The following AFAP1L2 variants were observed in gnomAD, a reference collection of about 807,000 sequenced individuals.
AFAP1L2 encodes actin filament associated protein 1 like 2.
A neutral mutation model predicts 99.3 loss-of-function variants in AFAP1L2; 46 were observed. The ratio of observed to expected loss-of-function variants is 0.46; its 90% CI spans 0.37 to 0.59. The LOEUF (loss-of-function observed/expected upper bound fraction) is 0.59. Ranked by LOEUF, AFAP1L2 falls within the 20% of genes least tolerant of loss-of-function variation. The pLI is 0.00. For missense variants in AFAP1L2, 959 were observed against 1,034.9 expected (o/e 0.93, Z 1.01); for synonymous variants, 397 against 419.1 (o/e 0.95, Z 0.64).
the AFAP1L2 span, chr10:114,289,565 C>G: frequency 5.9e-6 from 9 of 1,532,032 alleles, no homozygotes; most frequent in South Asian, 1.2e-5. Context: ...TACATCATGA[C>G]GAGGATGGCA....
intron 1 of AFAP1L2, among the ~76,000 whole-genome samples, chr10:114,364,811 C>T (rs563522481): frequency 7.6e-4 from 115 of 152,298 alleles, no homozygotes; most frequent in South Asian, 1.5e-3. Flanking sequence ...CTACCGGGGG[C>T]TGAGCTGATT....
chr10:114,316,887 C>T (rs2044227839), intron 5 of AFAP1L2, among the ~76,000 whole-genome samples: 1 of 152,184 alleles, frequency 6.6e-6, no homozygotes, highest in Non-Finnish European at 1.5e-5. Flanking sequence ...AAATTTCCCA[C>T]GGAGGGCTCA....
chr10:114,354,374 C>T (rs935533236), intron 1 of AFAP1L2, among the ~76,000 whole-genome samples: 57 of 152,314 alleles, frequency 3.7e-4, no homozygotes, highest in Admixed American at 1.1e-3. Flanking sequence ...TGTGTAATTC[C>T]TTTATCTGAA....
chr10:114,365,248 C>T (rs1456834958), intron 1 of AFAP1L2, among the ~76,000 whole-genome samples: 1 of 152,064 alleles, frequency 6.6e-6, no homozygotes, highest in Non-Finnish European at 1.5e-5. Flanking sequence ...TCTTCCATTC[C>T]CAACCCAACA....
rs2041002449 is a variant in AFAP1L2, at chr10:114,300,698, A to G, written c.1543-8T>C. The G allele has an allele frequency of 3.2e-6, 5 of 1,578,898 alleles. No homozygotes were observed. In the Admixed American group the frequency reaches 6.9e-5, roughly 22 times the overall value. Reference sequence around the variant, plus strand: ...TTCCTCGGTAGGCTCCACCTGCAGGAGAGAGTGAGTCTGGGGCATTCAACA... The same window carrying G: ...TTCCTCGGTAGGCTCCACCTGCAGGGGAGAGTGAGTCTGGGGCATTCAACA... On this transcript the variant is annotated splice_region_variant and splice_polypyrimidine_tract_variant and intron_variant, in intron 13 of 18. Transcript: ENST00000304129.
intron 1 of AFAP1L2, among the ~76,000 whole-genome samples, chr10:114,380,589 T>C (rs2055476158): frequency 6.6e-6 from 1 of 152,192 alleles, no homozygotes; most frequent in African/African-American, 2.4e-5. Flanking sequence ...GAGTGTGTTT[T>C]TAAAAAGTAA....
At chr10:114,351,716 T>A (rs1590426957) in intron 1 of AFAP1L2, among the ~76,000 whole-genome samples, 2 of 152,208 alleles carry the variant, frequency 1.3e-5, no homozygotes, top group East Asian at 3.9e-4. Flanking sequence ...CCCTGGTGGC[T>A]GCTGGAAACT....
chr10:114,312,377 T>C (rs2043390907), intron 7 of AFAP1L2, among the ~76,000 whole-genome samples: 2 of 152,242 alleles, frequency 1.3e-5, no homozygotes, highest in South Asian at 2.1e-4. Context: ...TATACATGAA[T>C]GTGCATGTGT....
intron 1 of AFAP1L2, among the ~76,000 whole-genome samples, chr10:114,370,060 C>T (rs192744205): frequency 2.0e-5 from 3 of 152,288 alleles, no homozygotes; most frequent in East Asian, 1.9e-4. Context: ...TCTGTTTCCC[C>T]ATCACTAATA....
chr10:114,285,528 C>T, the AFAP1L2 span, among the ~76,000 whole-genome samples: 1 of 152,228 alleles, frequency 6.6e-6, no homozygotes, highest in Non-Finnish European at 1.5e-5. Context: ...AATCTTGACC[C>T]TGTACCTCAC....
chr10:114,282,966 G>A, the AFAP1L2 span, among the ~76,000 whole-genome samples: 1 of 152,186 alleles, frequency 6.6e-6, no homozygotes, highest in Non-Finnish European at 1.5e-5. Context: ...CATGTGAAAG[G>A]GGGTCATCGT....
chr10:114,281,819 A>G, the AFAP1L2 span: 9 of 892,572 alleles, frequency 1.0e-5, no homozygotes, highest in Non-Finnish European at 1.2e-5. Context: ...CTATACAAAG[A>G]GGAAAGTGAA....
chr10:114,283,351 T>C, the AFAP1L2 span, among the ~76,000 whole-genome samples: 10 of 145,730 alleles, frequency 6.9e-5, no homozygotes, highest in African/African-American at 1.8e-4. Context: ...ACAGGCAGGG[T>C]AGCGAGCAGT....
At chr10:114,324,954 CCCCTGTGGGA>C in intron 4 of AFAP1L2, among the ~76,000 whole-genome samples, 1 of 152,300 alleles carries the variant, frequency 6.6e-6, no homozygotes, top group African/African-American at 2.4e-5. Flanking sequence ...CTGTGCTTAG[CCCCTGTGGGA>C]CAGTCCTCAG....
intron 1 of AFAP1L2, among the ~76,000 whole-genome samples, chr10:114,390,257 G>T (rs1416675995): frequency 6.6e-6 from 1 of 152,100 alleles, no homozygotes; most frequent in East Asian, 1.9e-4. Context: ...TCTAAGACAT[G>T]TATCTATCAG....
In AFAP1L2 at chr10:114,301,485, G is replaced by A; in HGVS notation, c.1431-20C>T. On this transcript the variant is annotated intron_variant, in intron 12 of 18. Coordinates refer to ENST00000304129, the MANE Select transcript of AFAP1L2 (RefSeq NM_001001936.3). ...ATCAGTCTGGAAACAGGGCGAGGTG[G>A]CACACATGAAGCAGCCGGGGCAGGG... 2 of 1,570,436 alleles carry A rather than the reference G, an allele frequency of 1.3e-6. No homozygotes were observed. The highest frequency in any genetic ancestry group is 1.8e-6 in the Non-Finnish European group (2 of 1,140,192).
intron 9 of AFAP1L2, 37 bp from the exon 10 acceptor site, chr10:114,307,946 G>C: frequency 6.3e-7 from 1 of 1,589,396 alleles, no homozygotes; most frequent in African/African-American, 1.3e-5. Context: ...CGTATTGCAC[G>C]TGGTCCACCC....
Position 114,314,062 on chromosome 10 carries a change from G to C in AFAP1L2, c.613-12C>G. The C allele has an allele frequency of 6.2e-7, 1 of 1,605,336 alleles. No individual in the cohort carries two copies. The highest frequency in any genetic ancestry group is 8.5e-7 in the Non-Finnish European group (1 of 1,173,076). On this transcript the variant is annotated splice_polypyrimidine_tract_variant and intron_variant, in intron 6 of 18. Coordinates refer to ENST00000304129, the MANE Select transcript of AFAP1L2 (RefSeq NM_001001936.3). Reference sequence around the variant, plus strand: ...GAGGATTTGTAGCACTGGAAGGAAAGAGAGAAGATACACCACTTTGCCAGG... The same window carrying C: ...GAGGATTTGTAGCACTGGAAGGAAACAGAGAAGATACACCACTTTGCCAGG...
chr10:114,284,688 T>C, the AFAP1L2 span, among the ~76,000 whole-genome samples: 1 of 152,174 alleles, frequency 6.6e-6, no homozygotes, highest in Non-Finnish European at 1.5e-5. Context: ...GCCCCTCCTT[T>C]ATGAACTCCA....
Sources: gnomAD v4.1 joint callset for allele counts (sites outside exome capture counted in the v4.1 genomes callset) on GRCh38, gnomAD v4.1.1 for gene constraint, MANE v1.5 for transcripts, NCBI Gene and HGNC (gene_info 2026-07-23, HGNC 2026-07-21) for gene names.